CAMKMT: variants seen among roughly 807,000 people sequenced by gnomAD.
CAMKMT encodes calmodulin-lysine N-methyltransferase.
A neutral mutation model predicts 48.0 loss-of-function variants in CAMKMT; 53 were observed. The observed-to-expected ratio is 1.10, with a 90% CI of 0.89 to 1.39. The LOEUF is 1.39. Among genes scored for constraint, CAMKMT ranks in the 40% most tolerant of loss-of-function variants. The pLI, the probability that CAMKMT is intolerant of heterozygous loss-of-function variation, is 0.00. For missense variants in CAMKMT, 428 were observed against 402.7 expected (o/e 1.06, Z -0.54); for synonymous variants, 165 against 152.3 (o/e 1.08, Z -0.61).
chr2:44,740,209 GCCTTGA>G (rs1321932485), intron 7 of CAMKMT, among the ~76,000 whole-genome samples: 2 of 148,826 alleles, frequency 1.3e-5, no homozygotes, highest in Non-Finnish European at 3.0e-5. Context: ...GCTCACTGCA[GCCTTGA>G]CTTCCTGGGC....
At chr2:44,764,847 T>G (rs1200926722) in intron 9 of CAMKMT, among the ~76,000 whole-genome samples, 2 of 152,114 alleles carry the variant, frequency 1.3e-5, no homozygotes, top group Non-Finnish European at 2.9e-5. Flanking sequence ...AGACATGTAG[T>G]GTAGTGGAGA....
rs12998046 is a variant in CAMKMT at position 44,653,786 on chromosome 2, C to A, written c.377-50497C>A. Among the ~76,000 whole-genome samples, 79,611 of 151,976 alleles carry A rather than the reference C, an allele frequency of 0.52. 22,251 individuals carry two copies. The highest frequency in any genetic ancestry group is 0.66 in the Middle Eastern group (193 of 294). On this transcript the variant is annotated intron_variant, in intron 3 of 10. Transcript: ENST00000378494. This position sits in a 1 kb window ranked among gnomAD's most constrained non-coding sequence, Gnocchi z 5.2. Reference sequence around the variant, plus strand: ...ATTTTTATTCATTTTAATGACTGATCTAAAACAAGAATTGAAAAGATCTCA... The same window carrying A: ...ATTTTTATTCATTTTAATGACTGATATAAAACAAGAATTGAAAAGATCTCA...
chr2:44,609,413 C>A lies in CAMKMT; in HGVS notation c.377-94870C>A, dbSNP rs527674307. 5.3e-5 allele frequency among the ~76,000 whole-genome samples: 8 copies of A among 152,208 alleles called. No individual in the cohort carries two copies. In the Middle Eastern group the frequency reaches 0.01, roughly 194 times the overall value. ...TCCGTTTGTTAATTAGCTAACTATT[C>A]CATAGGTGTATATACACAATTGTCT... On this transcript the variant is annotated intron_variant, in intron 3 of 10. Coordinates refer to ENST00000378494, the MANE Select transcript of CAMKMT (RefSeq NM_024766.5).
At chr2:44,402,052 C>T (rs1316376138) in intron 3 of CAMKMT, among the ~76,000 whole-genome samples, 1 of 152,084 alleles carries the variant, frequency 6.6e-6, no homozygotes, top group African/African-American at 2.4e-5. Context: ...ATTGGCCGGG[C>T]GCGGTGGCTC....
chr2:44,400,750 C>G (rs1682291906), intron 3 of CAMKMT: 1 of 151,428 alleles, frequency 6.6e-6, no homozygotes, highest in African/African-American at 2.4e-5. Context: ...TAAGCTAACA[C>G]TATTTTAAAT....
chr2:44,535,082 C>T (rs1666695495), intron 3 of CAMKMT, among the ~76,000 whole-genome samples: 1 of 151,854 alleles, frequency 6.6e-6, no homozygotes, highest in East Asian at 1.9e-4. Context: ...ACTGATACCA[C>T]AGAAATACAA....
intron 6 of CAMKMT, 87 bp downstream of exon 6, chr2:44,707,549 G>A (rs1288050007): frequency 8.8e-7 from 1 of 1,139,936 alleles, no homozygotes; most frequent in African/African-American, 1.6e-5. Flanking sequence ...AAGACAGCAT[G>A]GGGTATTAAA....
At chr2:44,577,994 C>G (rs561351976) in intron 3 of CAMKMT, among the ~76,000 whole-genome samples, 1 of 152,144 alleles carries the variant, frequency 6.6e-6, no homozygotes, top group African/African-American at 2.4e-5. Context: ...GCTTTGGCCA[C>G]TTCTTCAGAC....
intron 3 of CAMKMT, among the ~76,000 whole-genome samples, chr2:44,686,219 C>G (rs1310197501): frequency 6.6e-6 from 1 of 151,896 alleles, no homozygotes; most frequent in Non-Finnish European, 1.5e-5. Context: ...CGATGAAACA[C>G]CGTATCTACT....
At chr2:44,721,742 G>A (rs2104319191) in intron 7 of CAMKMT, among the ~76,000 whole-genome samples, 1 of 152,266 alleles carries the variant, frequency 6.6e-6, no homozygotes, top group African/African-American at 2.4e-5. Context: ...TGCCGAGGTG[G>A]GAGGGTTGCT....
intron 3 of CAMKMT, among the ~76,000 whole-genome samples, chr2:44,665,628 A>G (rs991233941): frequency 2.6e-5 from 4 of 152,148 alleles, no homozygotes; most frequent in Non-Finnish European, 5.9e-5. Flanking sequence ...TCTTCATTGT[A>G]TTACTGTGAT....
At chr2:44,458,306 C>G (rs1425798065) in intron 3 of CAMKMT, among the ~76,000 whole-genome samples, 1 of 152,130 alleles carries the variant, frequency 6.6e-6, no homozygotes, top group Non-Finnish European at 1.5e-5. Flanking sequence ...CTCGGCCTCC[C>G]AGAGTGCTGG....
intron 8 of CAMKMT, 33 bp downstream of exon 8, chr2:44,743,729 GAAAAAA>G: frequency 1.3e-6 from 2 of 1,548,844 alleles, no homozygotes; most frequent in Non-Finnish European, 1.8e-6. Flanking sequence ...ACTCCTGTTA[GAAAAAA>G]ATAGCTTTGC....
At chr2:44,508,169 T>C (rs1180141682) in intron 3 of CAMKMT, among the ~76,000 whole-genome samples, 1 of 152,168 alleles carries the variant, frequency 6.6e-6, no homozygotes, top group Non-Finnish European at 1.5e-5. Flanking sequence ...GTAGCACTGG[T>C]ATAGAGTGAA....
rs899776314 is a variant in CAMKMT, at chr2:44,653,813, C to T, written c.377-50470C>T. ...AAAACAAGAATTGAAAAGATCTCAT[C>T]GAGTGCCTAGAACAAAACTGACACA... On this transcript the variant is annotated intron_variant, in intron 3 of 10. Transcript: ENST00000378494. The surrounding 1 kb of genome is among the most constrained non-coding windows in gnomAD (Gnocchi z 5.2). Among the ~76,000 whole-genome samples the T allele has an allele frequency of 3.9e-5, 6 of 152,112 alleles. No individual in the cohort carries two copies. The highest frequency in any genetic ancestry group is 1.2e-4 in the African/African-American group (5 of 41,420).
chr2:44,766,804 A>T (rs537766660), intron 10 of CAMKMT, among the ~76,000 whole-genome samples: 14 of 152,338 alleles, frequency 9.2e-5, no homozygotes, highest in African/African-American at 3.1e-4. Flanking sequence ...TAATCTTTTC[A>T]TTCATAATAG....
intron 3 of CAMKMT, among the ~76,000 whole-genome samples, chr2:44,528,965 C>G (rs977312996): frequency 1.3e-5 from 2 of 151,618 alleles, no homozygotes; most frequent in African/African-American, 4.8e-5. Flanking sequence ...TGTTAGTGGC[C>G]ATTATTTCGT....
intron 3 of CAMKMT, among the ~76,000 whole-genome samples, chr2:44,441,930 T>C (rs930689007): frequency 1.3e-5 from 2 of 152,210 alleles, no homozygotes; most frequent in Non-Finnish European, 2.9e-5. Context: ...TGTTTTTTCA[T>C]TTTCTTTCAG....
intron 3 of CAMKMT, among the ~76,000 whole-genome samples, chr2:44,451,772 G>T (rs1465241395): frequency 1.3e-5 from 2 of 151,792 alleles, no homozygotes; most frequent in East Asian, 1.9e-4. Context: ...ATAGAATCTA[G>T]GTGGTAGGTA....
Sources: allele counts gnomAD v4.1 joint callset (sites outside exome capture counted in the v4.1 genomes callset), GRCh38; gene constraint gnomAD v4.1.1; non-coding constraint Gnocchi (gnomAD v3.1); transcripts MANE v1.5; gene names NCBI Gene and HGNC (gene_info 2026-07-23, HGNC 2026-07-21).